Variants in WASF2 observed in about 807,000 individuals in gnomAD.
WASF2 encodes actin-binding protein WASF2.
WASF2 carries 14 observed loss-of-function variants against 45.0 expected under a neutral mutation model. That is an observed-to-expected ratio of 0.31 (90% CI 0.21 to 0.49). WASF2 has a LOEUF of 0.49. Among genes scored for constraint, WASF2 ranks in the 20% least tolerant of loss-of-function variants. WASF2 has a pLI of 0.99. For synonymous variants in WASF2, 200 were observed against 236.3 expected, an observed-to-expected ratio of 0.85 and a Z score of 1.41; for missense variants, 439 against 636.1, an observed-to-expected ratio of 0.69 and a Z score of 3.33.
intron 8 of WASF2, among the ~76,000 whole-genome samples, chr1:27,408,768 G>A (rs976105822): frequency 6.6e-6 from 1 of 152,014 alleles, no homozygotes; most frequent in African/African-American, 2.4e-5. Context: ...GACCAGACCT[G>A]GCCCCTGATA....
In WASF2 at chr1:27,418,417, G is replaced by A; in HGVS notation, c.271C>T (p.Leu91=). Residue 91 remains leucine, a synonymous_variant, in exon 4 of 9, where the codon CTG becomes TTG. Coordinates refer to ENST00000618852, the MANE Select transcript of WASF2 (RefSeq NM_006990.5). ...QLDPKEEEVS[L]QGINTRKAFR... ...GCTTTTCGGGTGTTGATTCCTTGCA[G>A]TGACACTGAGAGAAGATGGAAGGCG... 1 of 1,614,242 alleles carries A rather than the reference G, an allele frequency of 6.2e-7. No homozygotes were observed. Among genetic ancestry groups the A allele is most frequent in the East Asian group, 2.2e-5 (1 of 44,888 alleles).
chr1:27,414,731 G>A lies in WASF2; in HGVS notation c.668+102C>T, dbSNP rs2148100986. 1 of 1,474,446 alleles carries A rather than the reference G, an allele frequency of 6.8e-7. No individual in the cohort carries two copies. Among genetic ancestry groups the A allele is most frequent in the South Asian group, 1.4e-5 (1 of 73,858 alleles). 91.3% of individuals were successfully genotyped at this position (1,474,446 alleles called of 1,614,324 possible). A position where few individuals can be genotyped will look rare whatever the true frequency, so the allele number is the denominator to read the frequency against. ...CAGTGGTATTGATCTAAGCCACAGA[G>A]ACAGACTTCAGGGGGTGTGAAAGGT... On this transcript the variant is annotated intron_variant, in intron 6 of 8. Coordinates refer to ENST00000618852, the MANE Select transcript of WASF2 (RefSeq NM_006990.5). This position sits in a 1 kb window ranked among gnomAD's most constrained non-coding sequence, Gnocchi z 4.1.
At chr1:27,469,500 A>G (rs1056031795) in intron 1 of WASF2, among the ~76,000 whole-genome samples, 1 of 152,190 alleles carries the variant, frequency 6.6e-6, no homozygotes, top group Non-Finnish European at 1.5e-5. Flanking sequence ...ACATTATCAC[A>G]TTCAGCAAAT....
At chr1:27,475,635 CTGTTT>C (rs1218121409) in intron 1 of WASF2, among the ~76,000 whole-genome samples, 2 of 151,952 alleles carry the variant, frequency 1.3e-5, no homozygotes, top group Non-Finnish European at 2.9e-5. Flanking sequence ...TTGTTTTGTT[CTGTTT>C]TGTTTGAGAG....
intron 1 of WASF2, among the ~76,000 whole-genome samples, chr1:27,442,462 T>C (rs1427740556): frequency 6.6e-5 from 10 of 151,328 alleles, no homozygotes; most frequent in Non-Finnish European, 1.5e-4. Context: ...AAGAATCGCT[T>C]GAACCCAGCA....
Position 27,409,850 on chromosome 1 carries a change from G to A in WASF2, c.1181C>T (p.Pro394Leu). ...GGGCCCCGGAGGAGGAGGAGGAGGG[G>A]GAGGAGGAGGTGCTCCTCCTGTTGG... The part of the protein sequence containing the change: ...SQPTGGAPPP[P>L]PPPPPPGPPP... The change falls in exon 8 of 9, where the codon CCC (proline) becomes CTC (leucine). Residue 394 changes from proline (P) to leucine (L), a missense_variant. Physicochemically the swap from Pro to Leu is moderately conservative, Grantham distance 98. Coordinates refer to ENST00000618852, the MANE Select transcript of WASF2 (RefSeq NM_006990.5). 1 of 1,549,006 alleles carries A rather than the reference G, an allele frequency of 6.5e-7. No individual in the cohort carries two copies. The highest frequency in any genetic ancestry group is 8.7e-7 in the Non-Finnish European group (1 of 1,144,052).
intron 1 of WASF2, among the ~76,000 whole-genome samples, chr1:27,454,067 A>G (rs973534593): frequency 2.7e-5 from 4 of 148,814 alleles, no homozygotes; most frequent in Non-Finnish European, 5.9e-5. Context: ...TTAGTGTCAC[A>G]TTCTAGAACT....
chr1:27,426,908 T>G (rs1215912494), intron 2 of WASF2, among the ~76,000 whole-genome samples: 1 of 152,152 alleles, frequency 6.6e-6, no homozygotes, highest in African/African-American at 2.4e-5. Context: ...AATGAGATAA[T>G]CTATGTCAAG....
At chr1:27,487,499 TTATAA>T (rs1284437376) in intron 1 of WASF2, among the ~76,000 whole-genome samples, 126 of 110,372 alleles carry the variant, frequency 1.1e-3, no homozygotes, top group Admixed American at 2.8e-3. Flanking sequence ...TTATATAATA[TTATAA>T]TATATGTTAT....
intron 1 of WASF2, among the ~76,000 whole-genome samples, chr1:27,462,279 T>C (rs2017556434): frequency 2.0e-5 from 3 of 152,114 alleles, no homozygotes; most frequent in South Asian, 2.1e-4. Context: ...CCTGGCCCTA[T>C]TATTAATTTT....
At chr1:27,471,985 G>A (rs775901827) in intron 1 of WASF2, among the ~76,000 whole-genome samples, 1 of 152,016 alleles carries the variant, frequency 6.6e-6, no homozygotes, top group African/African-American at 2.4e-5. Flanking sequence ...CCTCAATCAA[G>A]TCCTGCCCCC....
chr1:27,470,581 A>G (rs1024518776), intron 1 of WASF2, among the ~76,000 whole-genome samples: 12 of 146,398 alleles, frequency 8.2e-5, no homozygotes, highest in Admixed American at 6.0e-4. Flanking sequence ...AGCCCTGAAT[A>G]GTGTTCAATA....
At chr1:27,440,562 T>C (rs892323107) in intron 1 of WASF2, among the ~76,000 whole-genome samples, 2 of 151,498 alleles carry the variant, frequency 1.3e-5, no homozygotes, top group Non-Finnish European at 2.9e-5. Flanking sequence ...GGAAAAAATG[T>C]ATACCTGAGT....
chr1:27,417,120 C>T (rs116062520), intron 4 of WASF2, among the ~76,000 whole-genome samples: 2,505 of 152,290 alleles, frequency 0.016, 70 homozygotes, highest in African/African-American at 0.057. Flanking sequence ...CTAATTCTGA[C>T]ACTGTATGCT....
intron 1 of WASF2, among the ~76,000 whole-genome samples, chr1:27,441,354 G>A (rs1012969109): frequency 4.0e-5 from 6 of 151,840 alleles, no homozygotes; most frequent in Non-Finnish European, 8.8e-5. Flanking sequence ...GTGGCTGGGC[G>A]TGGTGGCTCA....
At chr1:27,460,689 A>G (rs1165411660) in intron 1 of WASF2, among the ~76,000 whole-genome samples, 4 of 152,228 alleles carry the variant, frequency 2.6e-5, no homozygotes, top group African/African-American at 9.6e-5. Flanking sequence ...GTCCAATCAT[A>G]GTCCCATAGC....
At chr1:27,439,528 C>CA (rs2017180298) in intron 1 of WASF2, among the ~76,000 whole-genome samples, 1 of 152,140 alleles carries the variant, frequency 6.6e-6, no homozygotes, top group African/African-American at 2.4e-5. Flanking sequence ...CTAAAAGACA[C>CA]AAAGAAGTAT....
chr1:27,480,219 T>A (rs1336797993), intron 1 of WASF2, among the ~76,000 whole-genome samples: 1 of 152,132 alleles, frequency 6.6e-6, no homozygotes, highest in East Asian at 1.9e-4. Flanking sequence ...GCAAACTTTT[T>A]AAACTGAGTA....
intron 1 of WASF2, among the ~76,000 whole-genome samples, chr1:27,488,216 T>A (rs1353366449): frequency 6.6e-6 from 1 of 152,064 alleles, no homozygotes; most frequent in African/African-American, 2.4e-5. Flanking sequence ...CCCATAGCCG[T>A]CCCTACTATT....
Sources: allele counts gnomAD v4.1 joint callset (sites outside exome capture counted in the v4.1 genomes callset), GRCh38; gene constraint gnomAD v4.1.1; non-coding constraint Gnocchi (gnomAD v3.1); transcripts MANE v1.5; gene names NCBI Gene and HGNC (gene_info 2026-07-23, HGNC 2026-07-21).